Variants in EFCAB5 observed in about 807,000 individuals in gnomAD.
EFCAB5 encodes EF-hand calcium binding domain 5, also known as EF-hand calcium-binding domain-containing protein 5.
A neutral mutation model predicts 167.9 loss-of-function variants in EFCAB5; 131 were observed. The ratio of observed to expected loss-of-function variants is 0.78; its 90% CI spans 0.68 to 0.90. The LOEUF (loss-of-function observed/expected upper bound fraction) is 0.90. Ranked by LOEUF, EFCAB5 falls within the 40% of genes least tolerant of loss-of-function variation. The probability of loss-of-function intolerance (pLI) is 0.00; values close to 1 mark genes in which losing one functional copy is unlikely to be tolerated. For synonymous variants in EFCAB5, 574 were observed against 602.8 expected (o/e 0.95, Z 0.70); for missense variants, 1,663 against 1,745.2 (o/e 0.95, Z 0.84).
rs1191231303 is a variant in EFCAB5, at chr17:29,994,144, A to ATATG, written c.924+826_924+827insGTAT. Among the ~76,000 whole-genome samples the ATATG allele has an allele frequency of 2.2e-4, 19 of 86,530 alleles. No individual in the cohort carries two copies. The East Asian group carries it at 6.3e-3, about 29-fold the overall frequency. 56.8% of individuals were successfully genotyped at this position (86,530 alleles called of 152,430 possible). A position where few individuals can be genotyped will look rare whatever the true frequency, so the allele number is the denominator to read the frequency against. Reference sequence around the variant, plus strand: ...CAACAACAACAACAAATATATATATATATATATATATATATATATATATAT... The same window carrying ATATG: ...CAACAACAACAACAAATATATATATATATGTATATATATATATATATATATATAT... On this transcript the variant is annotated intron_variant, in intron 5 of 22. Coordinates refer to ENST00000394835, the MANE Select transcript of EFCAB5 (RefSeq NM_198529.4).
chr17:30,068,071 G>A (rs760721737), intron 14 of EFCAB5, among the ~76,000 whole-genome samples: 2 of 152,152 alleles, frequency 1.3e-5, no homozygotes, highest in Non-Finnish European at 2.9e-5. Flanking sequence ...TTTGGGAGGC[G>A]GAGGCGGGTG....
At chr17:30,101,584 G>A (rs1021639223) in intron 22 of EFCAB5, among the ~76,000 whole-genome samples, 7 of 152,192 alleles carry the variant, frequency 4.6e-5, no homozygotes, top group Non-Finnish European at 1.0e-4. Context: ...TGGAGTTTTC[G>A]AGAAAGGTCT....
At chr17:30,037,075 C>T (rs1015547993) in intron 8 of EFCAB5, among the ~76,000 whole-genome samples, 1 of 152,150 alleles carries the variant, frequency 6.6e-6, no homozygotes, top group Non-Finnish European at 1.5e-5. Context: ...ACAGCAGGCA[C>T]TTACACTTCA....
At chr17:30,037,761 G>A (rs2151746700) in intron 8 of EFCAB5, among the ~76,000 whole-genome samples, 1 of 152,182 alleles carries the variant, frequency 6.6e-6, no homozygotes, top group Non-Finnish European at 1.5e-5. Context: ...AGAAATAAAA[G>A]TATTAGTAAA....
chr17:29,959,530 A>C (rs567367986), intron 3 of EFCAB5, among the ~76,000 whole-genome samples: 1 of 152,134 alleles, frequency 6.6e-6, no homozygotes, highest in Non-Finnish European at 1.5e-5. Context: ...TTCAAGGCCC[A>C]TGGGCACTTT....
Position 30,078,356 on chromosome 17 carries a change from T to C in EFCAB5, c.2879T>C (p.Phe960Ser), listed in dbSNP as rs768714574. Residue 960 changes from phenylalanine to serine, a missense_variant, in exon 15 of 23, where the codon TTT becomes TCT. Phe to Ser is a radical substitution (Grantham distance 155, BLOSUM62 -2). Transcript: ENST00000394835. The part of the protein sequence containing the change: ...EDQVLESVVE[F>S]LMNALERSHI... ...CAAGTTCTGGAAAGTGTTGTGGAAT[T>C]TCTGATGAATGCTTTAGAGAGGAGC... is the stretch of plus-strand genomic sequence containing the variant. The C allele has an allele frequency of 4.8e-5, 78 of 1,613,880 alleles. No homozygotes were observed. In the East Asian group the frequency reaches 1.5e-3, roughly 32 times the overall value.
intron 3 of EFCAB5, among the ~76,000 whole-genome samples, chr17:29,960,592 C>T (rs1162431617): frequency 6.6e-6 from 1 of 152,122 alleles, no homozygotes; most frequent in African/African-American, 2.4e-5. Context: ...CTCTCCTTCC[C>T]CTACCCCCAA....
Position 30,107,993 on chromosome 17 carries a change from A to C in EFCAB5, c.4481A>C (p.Lys1494Thr). 1.2e-6 allele frequency: 2 copies of C among 1,607,982 alleles called. No homozygotes were observed. The highest frequency in any genetic ancestry group is 8.5e-7 in the Non-Finnish European group (1 of 1,178,414). The change falls in exon 23 of 23, where the codon AAA becomes ACA. Residue 1494 changes from lysine to threonine, a missense_variant. Coordinates refer to ENST00000394835, the MANE Select transcript of EFCAB5 (RefSeq NM_198529.4). ...PSKTDNYMYA[K>T]MPGEGLQEK ...AAGACTGACAATTATATGTATGCAAAAATGCCAGGGGAAGGTTTGCAAGAG... is the reference window on the plus strand; with the variant it reads ...AAGACTGACAATTATATGTATGCAACAATGCCAGGGGAAGGTTTGCAAGAG...
chr17:30,092,822 C>T lies in EFCAB5; in HGVS notation c.4225-18C>T. ...TTCCTGGTGATCCCATAAATTTTCT[C>T]TTGTTGTTTGTTCACAGTATGTTAA... is the stretch of plus-strand genomic sequence containing the variant. On this transcript the variant is annotated intron_variant, in intron 21 of 22. Coordinates refer to ENST00000394835, the MANE Select transcript of EFCAB5 (RefSeq NM_198529.4). 2 of 1,584,632 alleles carry T rather than the reference C, an allele frequency of 1.3e-6. No homozygotes were observed. Among genetic ancestry groups the T allele is most frequent in the Non-Finnish European group, 1.7e-6 (2 of 1,159,828 alleles).
At chr17:30,019,168 C>G (rs1019548065) in intron 7 of EFCAB5, among the ~76,000 whole-genome samples, 20 of 152,002 alleles carry the variant, frequency 1.3e-4, no homozygotes, top group African/African-American at 4.8e-4. Flanking sequence ...CATGCCTGGG[C>G]TTTGTATTCT....
chr17:30,050,476 G>T (rs969023229), intron 8 of EFCAB5, among the ~76,000 whole-genome samples: 17 of 152,232 alleles, frequency 1.1e-4, no homozygotes, highest in South Asian at 2.1e-4. Flanking sequence ...ACAAGGTCTT[G>T]CTCTGTCAGC....
chr17:30,078,509 G>A lies in EFCAB5; in HGVS notation c.3027+5G>A, dbSNP rs368777976. On this transcript the variant is annotated splice_donor_5th_base_variant and intron_variant, in intron 15 of 22. Transcript: ENST00000394835. ...ACCTTTAAGGCCCTCATGCAGGTACGTTTCCTAAAGCAGTATGTAAGAGGA... is the reference window on the plus strand; with the variant it reads ...ACCTTTAAGGCCCTCATGCAGGTACATTTCCTAAAGCAGTATGTAAGAGGA... 129 of 1,572,104 alleles carry A rather than the reference G, an allele frequency of 8.2e-5. No homozygotes were observed. The highest frequency in any genetic ancestry group is 1.0e-4 in the Non-Finnish European group (117 of 1,157,520).
intron 16 of EFCAB5, 94 bp downstream of exon 16, chr17:30,080,335 A>T: frequency 4.4e-6 from 6 of 1,354,336 alleles, no homozygotes; most frequent in Non-Finnish European, 5.9e-6. Flanking sequence ...AGCTGCTCAA[A>T]AGAGAGGTGC....
intron 4 of EFCAB5, among the ~76,000 whole-genome samples, chr17:29,974,115 C>T (rs1346041892): frequency 6.6e-6 from 1 of 150,514 alleles, no homozygotes; most frequent in Non-Finnish European, 1.5e-5. Flanking sequence ...TGAGATTGTG[C>T]CACCTGCACT....
intron 18 of EFCAB5, among the ~76,000 whole-genome samples, chr17:30,084,572 C>T (rs1456171002): frequency 1.3e-5 from 2 of 152,158 alleles, no homozygotes; most frequent in African/African-American, 4.8e-5. Flanking sequence ...AAGGACCACC[C>T]AGCAGTCGGG....
chr17:30,073,267 T>A, intron 14 of EFCAB5: 1 of 600,964 alleles, frequency 1.7e-6, no homozygotes, highest in South Asian at 2.0e-5. Context: ...GTGTTGCCCA[T>A]GCTGGTCACA....
chr17:29,965,230 A>G (rs1032556391), intron 3 of EFCAB5, among the ~76,000 whole-genome samples: 1 of 151,648 alleles, frequency 6.6e-6, no homozygotes, highest in Non-Finnish European at 1.5e-5. Flanking sequence ...TATGTTGTGT[A>G]TTTATTTTCA....
At chr17:30,025,321 A>C (rs1400512136) in intron 7 of EFCAB5, among the ~76,000 whole-genome samples, 1 of 152,208 alleles carries the variant, frequency 6.6e-6, no homozygotes. Context: ...CAAATTTACA[A>C]GAAAAAAACA....
chr17:30,042,023 T>G (rs946587799), intron 8 of EFCAB5, among the ~76,000 whole-genome samples: 2 of 152,234 alleles, frequency 1.3e-5, no homozygotes, highest in Middle Eastern at 3.4e-3. Flanking sequence ...CTTTTTTTTT[T>G]TTTGAGATGG....
Sources: allele counts gnomAD v4.1 joint callset (sites outside exome capture counted in the v4.1 genomes callset), GRCh38; gene constraint gnomAD v4.1.1; transcripts MANE v1.5; gene names NCBI Gene and HGNC (gene_info 2026-07-23, HGNC 2026-07-21).